Variants in ANXA4 observed in about 807,000 individuals in gnomAD.
ANXA4 encodes the protein annexin A4, also known as 35-beta calcimedin.
In ANXA4, 39 loss-of-function variants were observed where a neutral mutation model predicts 49.8. The ratio of observed to expected loss-of-function variants is 0.78; its 90% CI spans 0.61 to 1.02. The LOEUF (loss-of-function observed/expected upper bound fraction) is 1.02. ANXA4 is among the 50% of genes least tolerant of loss of function. The probability of loss-of-function intolerance (pLI) is 0.00; values close to 1 mark genes in which losing one functional copy is unlikely to be tolerated. For synonymous variants in ANXA4, 134 were observed against 152.5 expected (o/e 0.88, Z 0.89); for missense variants, 360 against 410.1 (o/e 0.88, Z 1.05).
chr2:69,826,197 A>G lies in ANXA4; in HGVS notation c.*682A>G, dbSNP rs923934897. On this transcript the variant is annotated 3_prime_UTR_variant, in exon 13 of 13. Transcript: ENST00000394295. The stretch of plus-strand genomic sequence containing the variant: ...CCATATACATCTGGTTACCAAACAT[A>G]AATGCTGAACATTCCATATTATTAT... 1 of 152,686 alleles carries G rather than the reference A, an allele frequency of 6.5e-6. No individual in the cohort carries two copies. The highest frequency in any genetic ancestry group is 1.5e-5 in the Non-Finnish European group (1 of 68,042). 9.5% of individuals were successfully genotyped at this position (152,686 alleles called of 1,614,324 possible).
At chr2:69,739,574 T>TTTA (rs1217565458), upstream of ANXA4, among the ~76,000 whole-genome samples, 1 of 139,086 alleles carries the variant, frequency 7.2e-6, no homozygotes, top group Non-Finnish European at 1.6e-5. Flanking sequence ...CTTGGCTAAT[T>TTTA]TTTTTTTTTT....
upstream of ANXA4, chr2:69,643,853 T>TCC: frequency 1.7e-6 from 2 of 1,179,258 alleles, no homozygotes; most frequent in Non-Finnish European, 2.1e-6. Flanking sequence ...CCGGGGCCTC[T>TCC]CCTGCAACCG....
At chr2:69,697,682 G>A (rs1434180040) in intron 2 of ANXA4, among the ~76,000 whole-genome samples, 9 of 152,182 alleles carry the variant, frequency 5.9e-5, no homozygotes, top group African/African-American at 2.2e-4. Flanking sequence ...TGAACACTGA[G>A]AGGCCATCGT....
chr2:69,724,076 C>A (rs1669893657), intron 3 of ANXA4, among the ~76,000 whole-genome samples: 1 of 152,094 alleles, frequency 6.6e-6, no homozygotes, highest in Admixed American at 6.5e-5. Context: ...GCCAAGATCG[C>A]GCCATTGCAC....
rs1301887885 is a variant in ANXA4, at chr2:69,825,557, A to G, written c.*42A>G. 1.0e-5 allele frequency: 15 copies of G among 1,504,942 alleles called. No individual in the cohort carries two copies. Among genetic ancestry groups the G allele is most frequent in the Non-Finnish European group, 1.3e-5 (14 of 1,099,758 alleles). 93.2% of individuals were successfully genotyped at this position (1,504,942 alleles called of 1,614,324 possible). ...GGACAGGAGGATTCTCAACACTTTG[A>G]ATTTTTTTAACTTCATTTTTCTACA... On this transcript the variant is annotated 3_prime_UTR_variant, in exon 13 of 13. Transcript: ENST00000394295.
At chr2:69,808,361 T>C (rs565953592) in intron 6 of ANXA4, 2 of 229,586 alleles carry the variant, frequency 8.7e-6, no homozygotes, top group African/African-American at 4.6e-5. Flanking sequence ...TGGCCCAAAT[T>C]CTTCCCTTCA....
rs371468660 is a variant in ANXA4, at chr2:69,682,806, G to A, written n.766+29524G>A. ...AATCAAGAACATGCCACTCATGTAA[G>A]AGTGAACATCTATCTCCAGGCATGA... On this transcript the variant is annotated intron_variant and non_coding_transcript_variant, in intron 2 of 3. Transcript: ENST00000418066. Among the ~76,000 whole-genome samples the A allele has an allele frequency of 1.0e-3, 153 of 152,322 alleles. 1 individual carries two copies. The highest frequency in any genetic ancestry group is 3.3e-3 in the African/African-American group (138 of 41,580).
chr2:69,750,785 TG>T (rs1670808490), intron 1 of ANXA4, among the ~76,000 whole-genome samples: 1 of 152,150 alleles, frequency 6.6e-6, no homozygotes, highest in African/African-American at 2.4e-5. Context: ...AGGAGGTAGA[TG>T]GGATAAATCA....
At chr2:69,785,575 A>ATGATGATGATGATGATGG (rs1366050013) in intron 2 of ANXA4, among the ~76,000 whole-genome samples, 48 of 151,742 alleles carry the variant, frequency 3.2e-4, no homozygotes, top group Non-Finnish European at 2.9e-4. Context: ...GATGATGATG[A>ATGATGATGATGATGATGG]TGATGTTTCT....
chr2:69,810,627 C>G lies in ANXA4; in HGVS notation c.431C>G (p.Ser144Cys). Residue 144 changes from serine (S) to cysteine (C), a missense_variant, in exon 7 of 13, where the codon TCT becomes TGT. By Grantham distance (112) the Ser-to-Cys change is moderately radical. Transcript: ENST00000394295. The part of the protein sequence containing the change: ...YGRSLEDDIR[S>C]DTSFMFQRVL... Reference sequence around the variant, plus strand: ...CGGAGCCTTGAAGATGACATTCGCTCTGACACATCGTTCATGTTCCAGCGA... The same window carrying G: ...CGGAGCCTTGAAGATGACATTCGCTGTGACACATCGTTCATGTTCCAGCGA... The G allele has an allele frequency of 6.2e-7, 1 of 1,614,160 alleles. No homozygotes were observed. Among genetic ancestry groups the G allele is most frequent in the Non-Finnish European group, 8.5e-7 (1 of 1,180,020 alleles).
intron 1 of ANXA4, among the ~76,000 whole-genome samples, chr2:69,743,956 C>A (rs1670513461): frequency 6.6e-6 from 1 of 152,124 alleles, no homozygotes; most frequent in Non-Finnish European, 1.5e-5. Context: ...TTGTTTATGT[C>A]CAGCCACTCA....
chr2:69,811,104 C>T (rs1673688986), intron 7 of ANXA4: 1 of 161,372 alleles, frequency 6.2e-6, no homozygotes, highest in Non-Finnish European at 1.4e-5. Context: ...GAAAAGCCTT[C>T]ATGACAGAGA....
chr2:69,757,783 C>T (rs1437675912), intron 1 of ANXA4, among the ~76,000 whole-genome samples: 3 of 151,240 alleles, frequency 2.0e-5, no homozygotes, highest in East Asian at 4.0e-4. Context: ...ATGGTGAAAT[C>T]GGTCTCTATT....
chr2:69,644,165 T>TTGCCCCCCCCCCC (rs1553424953), upstream of ANXA4, among the ~76,000 whole-genome samples: 1 of 21,116 alleles, frequency 4.7e-5, no homozygotes, highest in African/African-American at 1.7e-4. Context: ...ACAACTAAGT[T>TTGCCCCCCCCCCC]CCCCCCCCCC....
chr2:69,656,408 TA>T, intron 2 of ANXA4, among the ~76,000 whole-genome samples: 3 of 140,040 alleles, frequency 2.1e-5, no homozygotes, highest in Non-Finnish European at 4.5e-5. Flanking sequence ...TATGTATATA[TA>T]TGTATATATA....
At chr2:69,777,573 T>C (rs1672011042) in intron 1 of ANXA4, among the ~76,000 whole-genome samples, 1 of 152,236 alleles carries the variant, frequency 6.6e-6, no homozygotes. Flanking sequence ...CAGGTGTATA[T>C]CCCTTACTCT....
chr2:69,781,563 G>T lies in ANXA4; in HGVS notation c.-3G>T, dbSNP rs752496198. 1 of 1,614,032 alleles carries T rather than the reference G, an allele frequency of 6.2e-7. No homozygotes were observed. ...GGCTGAACTCTGATCTTGACCTAGA[G>T]TCATGGCCATGGTAAGTTGTGAAAT... On this transcript the variant is annotated 5_prime_UTR_variant, in exon 2 of 13. Transcript: ENST00000394295.
rs1447823836 is a variant in ANXA4, at chr2:69,696,608, T to G, written n.767-24166T>G. ...TTTCAATTTACTTTGCCCAGATCCA[T>G]CAGAGGAATCACTATCTATGGCAGC... On this transcript the variant is annotated intron_variant and non_coding_transcript_variant, in intron 2 of 3. Transcript: ENST00000418066. 4.6e-5 allele frequency among the ~76,000 whole-genome samples: 7 copies of G among 152,206 alleles called. No individual in the cohort carries two copies. The East Asian group carries it at 1.2e-3, about 25-fold the overall frequency.
In ANXA4 at chr2:69,804,580, G is replaced by T; in HGVS notation, c.145G>T (p.Ala49Ser). ...IISVLAYRNT[A>S]QRQEIRTAYK... The stretch of plus-strand genomic sequence containing the variant: ...TAGCGTCCTTGCCTACCGCAACACC[G>T]CCCAGCGCCAGGAGATCAGGACAGC... The change falls in exon 4 of 13, where the codon GCC (alanine) becomes TCC (serine). Residue 49 changes from alanine (A) to serine (S), a missense_variant. Coordinates refer to ENST00000394295, the MANE Select transcript of ANXA4 (RefSeq NM_001153.5). The T allele has an allele frequency of 6.2e-7, 1 of 1,613,780 alleles. No homozygotes were observed. The highest frequency in any genetic ancestry group is 8.5e-7 in the Non-Finnish European group (1 of 1,179,876).
Sources: gnomAD v4.1 joint callset for allele counts (sites outside exome capture counted in the v4.1 genomes callset) on GRCh38, gnomAD v4.1.1 for gene constraint, MANE v1.5 for transcripts, NCBI Gene and HGNC (gene_info 2026-07-23, HGNC 2026-07-21) for gene names.